Variants in CTNNBL1 observed in about 807,000 individuals in gnomAD.
CTNNBL1 encodes the protein beta-catenin-like protein 1.
CTNNBL1 carries 31 observed loss-of-function variants against 72.7 expected under a neutral mutation model. The ratio of observed to expected loss-of-function variants is 0.43; its 90% CI spans 0.32 to 0.58. The LOEUF is 0.58. CTNNBL1 is among the 20% of genes least tolerant of loss of function. CTNNBL1 has a pLI of 0.08. For synonymous variants in CTNNBL1, 240 were observed against 267.3 expected (o/e 0.90, Z 1.00); for missense variants, 534 against 725.1 (o/e 0.74, Z 3.03).
At chr20:37,713,663 T>C (rs979989167) in intron 1 of CTNNBL1, among the ~76,000 whole-genome samples, 3 of 152,204 alleles carry the variant, frequency 2.0e-5, no homozygotes, top group Admixed American at 6.5e-5. Context: ...TGCTCTTCAT[T>C]TGACAGATTG....
At chr20:37,762,990 G>A (rs1457452200) in intron 5 of CTNNBL1, among the ~76,000 whole-genome samples, 1 of 152,182 alleles carries the variant, frequency 6.6e-6, no homozygotes, top group Admixed American at 6.5e-5. Flanking sequence ...TAGCTTCTAG[G>A]CAGCAGAGAT....
chr20:37,722,151 A>T (rs2073045642), intron 1 of CTNNBL1, among the ~76,000 whole-genome samples: 1 of 151,660 alleles, frequency 6.6e-6, no homozygotes, highest in African/African-American at 2.4e-5. Flanking sequence ...CAATCATCTT[A>T]TGTTCTTTGT....
intron 11 of CTNNBL1, among the ~76,000 whole-genome samples, chr20:37,806,279 C>T (rs1013077353): frequency 1.3e-5 from 2 of 152,192 alleles, no homozygotes; most frequent in African/African-American, 4.8e-5. Context: ...TGGGAATCAG[C>T]TCGCCAGTCC....
chr20:37,780,995 C>CCAGT (rs2122695396), intron 10 of CTNNBL1, among the ~76,000 whole-genome samples: 1 of 152,176 alleles, frequency 6.6e-6, no homozygotes, highest in East Asian at 1.9e-4. Context: ...CTTCATTTGT[C>CCAGT]CAGTGTGTAC....
intron 12 of CTNNBL1, among the ~76,000 whole-genome samples, chr20:37,840,818 T>C (rs1301809905): frequency 1.3e-5 from 2 of 152,058 alleles, no homozygotes; most frequent in South Asian, 2.1e-4. Context: ...TGGATCGGGC[T>C]ATGGAAGCTG....
At chr20:37,817,676 A>G (rs1354094808) in intron 11 of CTNNBL1, among the ~76,000 whole-genome samples, 2 of 152,196 alleles carry the variant, frequency 1.3e-5, no homozygotes, top group Admixed American at 1.3e-4. Flanking sequence ...TAAAATGCAG[A>G]TTGTGCTTCA....
intron 7 of CTNNBL1, among the ~76,000 whole-genome samples, chr20:37,776,083 A>T (rs1255773291): frequency 6.6e-6 from 1 of 152,210 alleles, no homozygotes; most frequent in African/African-American, 2.4e-5. Flanking sequence ...CATTTTTCTT[A>T]AAGTGAAACA....
chr20:37,862,806 CCT>C (rs1209933723), intron 15 of CTNNBL1, among the ~76,000 whole-genome samples: 3 of 151,916 alleles, frequency 2.0e-5, no homozygotes, highest in Non-Finnish European at 2.9e-5. Flanking sequence ...ATAGCCAGCT[CCT>C]TAGTCCATCC....
intron 11 of CTNNBL1, among the ~76,000 whole-genome samples, chr20:37,825,364 A>AG (rs1267551802): frequency 5.3e-4 from 28 of 53,274 alleles, no homozygotes; most frequent in Non-Finnish European, 6.7e-4. Context: ...AAAAATAAAA[A>AG]TAAGAAATAA....
intron 1 of CTNNBL1, among the ~76,000 whole-genome samples, chr20:37,720,131 C>T (rs181575127): frequency 6.6e-6 from 1 of 152,234 alleles, no homozygotes; most frequent in African/African-American, 2.4e-5. Flanking sequence ...AGGTTCACGC[C>T]ATTCTTCTGC....
chr20:37,793,452 C>G (rs2073743924), intron 10 of CTNNBL1, among the ~76,000 whole-genome samples: 1 of 152,176 alleles, frequency 6.6e-6, no homozygotes, highest in African/African-American at 2.4e-5. Flanking sequence ...ACAACTTTCT[C>G]TTAATTAGTG....
At chr20:37,827,193 G>T (rs546666270) in intron 11 of CTNNBL1, among the ~76,000 whole-genome samples, 1 of 152,318 alleles carries the variant, frequency 6.6e-6, no homozygotes, top group Admixed American at 6.5e-5. Context: ...CCTTTTTACT[G>T]CTGGGTAGTA....
chr20:37,763,770 G>A (rs760619555), intron 5 of CTNNBL1, among the ~76,000 whole-genome samples: 3 of 152,170 alleles, frequency 2.0e-5, no homozygotes, highest in Non-Finnish European at 4.4e-5. Context: ...GGGCACTTCT[G>A]CCACCAGCTT....
intron 1 of CTNNBL1, among the ~76,000 whole-genome samples, chr20:37,717,949 C>T (rs2073001683): frequency 6.6e-6 from 1 of 152,146 alleles, no homozygotes; most frequent in African/African-American, 2.4e-5. Context: ...AACAGGATCC[C>T]AAGGCAGAAG....
intron 6 of CTNNBL1, among the ~76,000 whole-genome samples, chr20:37,767,500 T>C (rs2073480471): frequency 6.6e-6 from 1 of 152,148 alleles, no homozygotes; most frequent in Non-Finnish European, 1.5e-5. Flanking sequence ...TTCCACCTGA[T>C]GCAGGGAAAT....
intron 9 of CTNNBL1, 67 bp from the exon 10 acceptor site, chr20:37,779,120 T>C: frequency 2.0e-6 from 3 of 1,524,574 alleles, no homozygotes; most frequent in Non-Finnish European, 2.7e-6. Context: ...TTAGGAATTG[T>C]TGGATGGAGG....
intron 11 of CTNNBL1, among the ~76,000 whole-genome samples, chr20:37,823,453 TGTGA>T (rs577561350): frequency 2.9e-4 from 44 of 151,880 alleles, no homozygotes; most frequent in Admixed American, 2.5e-3. Context: ...CTGGAGGGAG[TGTGA>T]GTGTGTGTGG....
At chr20:37,787,367 C>T (rs796695783) in intron 10 of CTNNBL1, among the ~76,000 whole-genome samples, 4 of 108,666 alleles carry the variant, frequency 3.7e-5, no homozygotes, top group African/African-American at 6.7e-5. Context: ...TTTTTTGAGA[C>T]GGAGTCTCGC....
chr20:37,788,081 A>G (rs2073694162), intron 10 of CTNNBL1, among the ~76,000 whole-genome samples: 1 of 152,158 alleles, frequency 6.6e-6, no homozygotes, highest in Non-Finnish European at 1.5e-5. Context: ...GTTTAGGCTT[A>G]AACTTCTCTA....
Sources: gnomAD v4.1 joint callset for allele counts (sites outside exome capture counted in the v4.1 genomes callset) on GRCh38, gnomAD v4.1.1 for gene constraint, MANE v1.5 for transcripts, NCBI Gene and HGNC (gene_info 2026-07-23, HGNC 2026-07-21) for gene names.